Variants in PVT1 observed in about 807,000 individuals in gnomAD.
PVT1 encodes the protein CXCR4/PVT1 fusion.
intron 2 of PVT1, among the ~76,000 whole-genome samples, chr8:127,811,636 A>T (rs1323952020): frequency 6.6e-6 from 1 of 152,202 alleles, no homozygotes; most frequent in Non-Finnish European, 1.5e-5. Context: ...GATAGTCTGT[A>T]TGTGCCTGGA....
intron 4 of PVT1, among the ~76,000 whole-genome samples, chr8:127,998,535 TTC>T (rs34462486): frequency 0.71 from 101,217 of 143,268 alleles, 36,587 homozygotes; most frequent in South Asian, 0.84. Context: ...CCTTCTTTCT[TTC>T]TCTCTCTCTC....
chr8:127,961,036 T>C (rs1816636913), intron 3 of PVT1, among the ~76,000 whole-genome samples: 2 of 151,420 alleles, frequency 1.3e-5, no homozygotes, highest in African/African-American at 2.4e-5. Context: ...CAGGGTGCCA[T>C]AGGCACACAG....
At chr8:127,863,349 A>G (rs1208442921) in intron 2 of PVT1, among the ~76,000 whole-genome samples, 1 of 152,086 alleles carries the variant, frequency 6.6e-6, no homozygotes, top group African/African-American at 2.4e-5. Flanking sequence ...TGATCTCATG[A>G]TCTTTCTGCC....
At chr8:127,854,124 T>C (rs1815137078) in intron 2 of PVT1, among the ~76,000 whole-genome samples, 1 of 150,810 alleles carries the variant, frequency 6.6e-6, no homozygotes, top group African/African-American at 2.5e-5. Context: ...TAGGCAGGCC[T>C]CACCCCTGCG....
At chr8:128,069,490 G>T (rs1286931783) in intron 4 of PVT1, among the ~76,000 whole-genome samples, 1 of 152,118 alleles carries the variant, frequency 6.6e-6, no homozygotes, top group African/African-American at 2.4e-5. Context: ...GTGCTCCTGG[G>T]TTTCATGATC....
intron 2 of PVT1, among the ~76,000 whole-genome samples, chr8:127,849,215 C>A (rs1815075690): frequency 6.6e-6 from 1 of 152,126 alleles, no homozygotes; most frequent in Admixed American, 6.6e-5. Flanking sequence ...AGGTTTTAGG[C>A]TGGCAGACCC....
intron 4 of PVT1, among the ~76,000 whole-genome samples, chr8:128,047,712 GTTGA>G (rs1040977505): frequency 3.3e-5 from 5 of 152,240 alleles, no homozygotes; most frequent in South Asian, 2.1e-4. Flanking sequence ...TTAGTGATTG[GTTGA>G]TTAAGTTGTG....
chr8:128,000,761 T>A (rs191936820), intron 4 of PVT1, among the ~76,000 whole-genome samples: 1 of 152,292 alleles, frequency 6.6e-6, no homozygotes, highest in Admixed American at 6.5e-5. Context: ...GTTTATTCCA[T>A]ACTTGGAACC....
Position 127,798,318 on chromosome 8 carries a change from C to T in PVT1, n.372+2247C>T, listed in dbSNP as rs927311335. Among the ~76,000 whole-genome samples, 3 of 151,480 alleles carry T rather than the reference C, an allele frequency of 2.0e-5. No homozygotes were observed. In the South Asian group the frequency reaches 6.3e-4, roughly 32 times the overall value. ...AAACTCAGTCTCAAAAAAAAAACAA[C>T]AAGAAAAGGGTATACCCCTTGGCCT... On this transcript the variant is annotated intron_variant and non_coding_transcript_variant, in intron 2 of 10. Coordinates refer to ENST00000651587, the Ensembl canonical transcript of PVT1.
chr8:127,981,867 A>G (rs1816886259), intron 3 of PVT1, among the ~76,000 whole-genome samples: 1 of 152,188 alleles, frequency 6.6e-6, no homozygotes, highest in Non-Finnish European at 1.5e-5. Flanking sequence ...AGGTGGTGCC[A>G]CCAAAGGCTG....
rs553109803 is a variant in PVT1, at chr8:127,914,617, A to C, written n.782+23619A>C. 5.3e-5 allele frequency among the ~76,000 whole-genome samples: 8 copies of C among 152,334 alleles called. No individual in the cohort carries two copies. In the East Asian group the frequency reaches 1.5e-3, roughly 29 times the overall value. On this transcript the variant is annotated intron_variant and non_coding_transcript_variant, in intron 3 of 10. Coordinates refer to ENST00000651587, the Ensembl canonical transcript of PVT1. ...ATTCAACTGTAAAATGGAATGAGAC[A>C]TTGATACATGTTACAACATGGATGA... is the stretch of plus-strand genomic sequence containing the variant.
chr8:127,867,139 C>T (rs1320984475), intron 2 of PVT1, among the ~76,000 whole-genome samples: 1 of 152,216 alleles, frequency 6.6e-6, no homozygotes, highest in Non-Finnish European at 1.5e-5. Context: ...TGCGGCCTTC[C>T]TCGGGCTTGC....
intron 5 of PVT1, among the ~76,000 whole-genome samples, chr8:128,088,187 T>C (rs2648896): frequency 0.23 from 34,348 of 152,014 alleles, 5,261 homozygotes; most frequent in African/African-American, 0.43. Context: ...CCTCACCCCA[T>C]ACCTGGGCAG....
chr8:127,847,361 G>A (rs565056753), intron 2 of PVT1, among the ~76,000 whole-genome samples: 35 of 152,314 alleles, frequency 2.3e-4, no homozygotes, highest in African/African-American at 7.5e-4. Context: ...GTTGCTGGAC[G>A]GAATGCAAGT....
intron 4 of PVT1, among the ~76,000 whole-genome samples, chr8:128,037,193 C>A (rs1453726619): frequency 1.3e-5 from 2 of 152,230 alleles, no homozygotes; most frequent in African/African-American, 4.8e-5. Context: ...GCCCTGCAGT[C>A]ACCACTCCTC....
chr8:128,001,273 G>A (rs75200072), intron 4 of PVT1, among the ~76,000 whole-genome samples: 203 of 152,308 alleles, frequency 1.3e-3, no homozygotes, highest in Non-Finnish European at 2.1e-3. Context: ...TAAAGGTGAC[G>A]CTTCGGGTTT....
chr8:127,962,876 A>G (rs1053141465), intron 3 of PVT1, among the ~76,000 whole-genome samples: 2 of 152,128 alleles, frequency 1.3e-5, no homozygotes, highest in African/African-American at 4.8e-5. Flanking sequence ...GATTACAGGC[A>G]TGAGCCTCCA....
chr8:127,851,027 AAT>A (rs1409135797), intron 2 of PVT1, among the ~76,000 whole-genome samples: 50 of 151,700 alleles, frequency 3.3e-4, no homozygotes, highest in African/African-American at 1.1e-3. Flanking sequence ...ATTAAAAAAA[AAT>A]AAAAAAAGAT....
At chr8:128,021,976 C>T (rs1172062799) in intron 4 of PVT1, among the ~76,000 whole-genome samples, 1 of 152,126 alleles carries the variant, frequency 6.6e-6, no homozygotes, top group Non-Finnish European at 1.5e-5. Flanking sequence ...CGCTTGAACT[C>T]AAGAGGGAGA....
Sources: gnomAD v4.1 joint callset for allele counts (sites outside exome capture counted in the v4.1 genomes callset) on GRCh38, gnomAD v4.1.1 for gene constraint, MANE v1.5 for transcripts, NCBI Gene and HGNC (gene_info 2026-07-23, HGNC 2026-07-21) for gene names.